The following CCDC73 variants were observed in gnomAD, a reference collection of about 807,000 sequenced individuals.
CCDC73 encodes coiled-coil domain-containing protein 73.
CCDC73 carries 95 observed loss-of-function variants against 116.5 expected under a neutral mutation model. The observed-to-expected ratio is 0.82, with a 90% CI of 0.69 to 0.97. CCDC73 has a LOEUF of 0.97. CCDC73 is among the 50% of genes least tolerant of loss of function. The pLI, the probability that CCDC73 is intolerant of heterozygous loss-of-function variation, is 0.00. For synonymous variants in CCDC73, 398 were observed against 401.3 expected (o/e 0.99, Z 0.10); for missense variants, 1,066 against 1,206.8 (o/e 0.88, Z 1.73).
At chr11:32,666,010 T>G (rs554758986) in intron 9 of CCDC73, among the ~76,000 whole-genome samples, 2 of 152,228 alleles carry the variant, frequency 1.3e-5, no homozygotes, top group African/African-American at 4.8e-5. Context: ...TGGCTTGTAG[T>G]GTTTCTGCTG....
At chr11:32,799,471 C>T (rs1850753075), upstream of CCDC73, among the ~76,000 whole-genome samples, 1 of 151,802 alleles carries the variant, frequency 6.6e-6, no homozygotes, top group African/African-American at 2.4e-5. Flanking sequence ...CATAAACCAC[C>T]ATGCCCAGCC....
rs201854 is a variant in CCDC73, at chr11:32,635,720, T to C, written c.1161A>G (p.Thr387=). 0.73 allele frequency: 943,497 copies of C among 1,298,136 alleles called. 349,744 individuals carry two copies. Among genetic ancestry groups the C allele is most frequent in the African/African-American group, 0.77 (50,703 of 65,458 alleles). The allele number at this position is 1,298,136 out of a possible 1,614,324, so 80.4% of individuals were successfully genotyped here. Residue 387 remains threonine (T), a synonymous_variant, in exon 14 of 18, where the codon ACA becomes ACG. Coordinates refer to ENST00000335185, the MANE Select transcript of CCDC73 (RefSeq NM_001008391.4). The part of the protein sequence containing the change: ...EHYNKLCNQK[T]FEEDKKFQNV... ...CCTGAAACTTTTTGTCTTCCTCAAA[T>C]GTTTTTTGATTGCATAATTTGTTAT...
In CCDC73 at chr11:32,715,151, C is replaced by T. The variant is rs182203700; in HGVS notation, c.207+2925G>A. Among the ~76,000 whole-genome samples, 23 of 152,162 alleles carry T rather than the reference C, an allele frequency of 1.5e-4. 4 individuals are homozygous for T. The highest frequency in any genetic ancestry group is 5.3e-4 in the African/African-American group (22 of 41,526). On this transcript the variant is annotated intron_variant, in intron 3 of 17. Transcript: ENST00000335185. ...TTTCTTTCCCCTTTCTTAATCCAGC[C>T]CCTTAAGTGAGTAAAAACATATTAT... is the stretch of plus-strand genomic sequence containing the variant.
intron 14 of CCDC73, among the ~76,000 whole-genome samples, chr11:32,632,402 T>C (rs1474103704): frequency 6.6e-6 from 1 of 152,166 alleles, no homozygotes; most frequent in Non-Finnish European, 1.5e-5. Context: ...ATTTTTCCTA[T>C]TTTAATAGAG....
intron 3 of CCDC73, among the ~76,000 whole-genome samples, chr11:32,710,224 C>T (rs1851275252): frequency 6.6e-6 from 1 of 152,072 alleles, no homozygotes; most frequent in African/African-American, 2.4e-5. Flanking sequence ...TTCTTTTCCT[C>T]TGCTGGGTTT....
chr11:32,755,613 GTGTGTATATATATATCTCCATATATA>G (rs1565094131), intron 2 of CCDC73, among the ~76,000 whole-genome samples: 4 of 114,582 alleles, frequency 3.5e-5, no homozygotes, highest in Non-Finnish European at 7.2e-5. Context: ...ATATATATGT[GTGTGTATATATATATCTCCATATATA>G]TGTGTATATA....
chr11:32,810,902 G>A, the CCDC73 span, among the ~76,000 whole-genome samples: 5 of 152,010 alleles, frequency 3.3e-5, no homozygotes, highest in East Asian at 1.9e-4. Context: ...AGGCCGAGGC[G>A]GGTGGATCAC....
intron 2 of CCDC73, among the ~76,000 whole-genome samples, chr11:32,730,897 A>T (rs1360449181): frequency 2.0e-5 from 3 of 152,206 alleles, no homozygotes; most frequent in Admixed American, 6.5e-5. Flanking sequence ...TACCGGGTGC[A>T]TCTCACTGGG....
chr11:32,830,462 G>A, the CCDC73 span: 1 of 1,324,264 alleles, frequency 7.6e-7, no homozygotes, highest in Non-Finnish European at 1.0e-6. Flanking sequence ...TCAAAGTGCT[G>A]AGCTAGGGGC....
intron 2 of CCDC73, among the ~76,000 whole-genome samples, chr11:32,718,874 T>A (rs1849967615): frequency 6.6e-6 from 1 of 152,168 alleles, no homozygotes; most frequent in South Asian, 2.1e-4. Context: ...GAATACATGC[T>A]AGGCCCAGCA....
chr11:32,769,051 T>G (rs550947395), intron 1 of CCDC73, among the ~76,000 whole-genome samples: 5 of 152,112 alleles, frequency 3.3e-5, no homozygotes, highest in Admixed American at 1.3e-4. Context: ...ATTTAAAAGT[T>G]TGACATTACC....
chr11:32,660,353 A>G (rs1467381256), intron 9 of CCDC73, among the ~76,000 whole-genome samples: 1 of 151,860 alleles, frequency 6.6e-6, no homozygotes, highest in East Asian at 1.9e-4. Context: ...AGAGAAGCCA[A>G]CAGGTATAGC....
the CCDC73 span, among the ~76,000 whole-genome samples, chr11:32,825,147 C>G: frequency 0.031 from 4,678 of 152,060 alleles, 107 homozygotes; most frequent in Non-Finnish European, 0.05. Flanking sequence ...CAAGCCAGGG[C>G]GGTACATAAA....
chr11:32,703,968 T>G (rs1478714510), intron 3 of CCDC73, among the ~76,000 whole-genome samples: 1 of 152,240 alleles, frequency 6.6e-6, no homozygotes, highest in African/African-American at 2.4e-5. Context: ...GTTAGCAATT[T>G]TAAAAGTTTA....
chr11:32,681,350 T>A (rs1205362245), intron 7 of CCDC73: 1 of 152,038 alleles, frequency 6.6e-6, no homozygotes, highest in East Asian at 1.9e-4. Context: ...ATCACAATGA[T>A]GGTGAATGTA....
At chr11:32,786,916 T>A (rs529428961) in intron 1 of CCDC73, among the ~76,000 whole-genome samples, 1 of 152,294 alleles carries the variant, frequency 6.6e-6, no homozygotes, top group South Asian at 2.1e-4. Context: ...TCTTCATTCA[T>A]GATGATCCTT....
chr11:32,637,548 CTCTT>C (rs1287646527), intron 13 of CCDC73, among the ~76,000 whole-genome samples: 1 of 151,906 alleles, frequency 6.6e-6, no homozygotes, highest in Admixed American at 6.6e-5. Flanking sequence ...CTAGTACTCT[CTCTT>C]TATCCTCCTA....
intron 2 of CCDC73, among the ~76,000 whole-genome samples, chr11:32,729,009 TC>T (rs937680364): frequency 6.6e-6 from 1 of 151,048 alleles, no homozygotes; most frequent in African/African-American, 2.4e-5. Context: ...CCAGCCCAAT[TC>T]TTTTTTTTTT....
chr11:32,616,938 T>C (rs1855479706), intron 14 of CCDC73, among the ~76,000 whole-genome samples: 1 of 152,206 alleles, frequency 6.6e-6, no homozygotes, highest in South Asian at 2.1e-4. Flanking sequence ...AAGGAAGGTT[T>C]CTTGGAGAAG....
Sources: allele counts gnomAD v4.1 joint callset (sites outside exome capture counted in the v4.1 genomes callset), GRCh38; gene constraint gnomAD v4.1.1; transcripts MANE v1.5; gene names NCBI Gene and HGNC (gene_info 2026-07-23, HGNC 2026-07-21).